Variants in ASIC2 observed in about 807,000 individuals in gnomAD.
ASIC2 encodes the protein acid-sensing ion channel 2.
Under a neutral mutation model 57.3 loss-of-function variants are expected in ASIC2, and 25 were observed. The observed-to-expected ratio is 0.44, with a 90% CI of 0.32 to 0.61. The LOEUF is 0.61. Among genes scored for constraint, ASIC2 ranks in the 20% least tolerant of loss-of-function variants. ASIC2 has a pLI of 0.06. For missense variants in ASIC2, 641 were observed against 738.1 expected, an observed-to-expected ratio of 0.87 and a Z score of 1.52; for synonymous variants, 319 against 307.5, an observed-to-expected ratio of 1.04 and a Z score of -0.39.
At chr17:33,568,635 A>G (rs745655686) in intron 1 of ASIC2, among the ~76,000 whole-genome samples, 1 of 152,180 alleles carries the variant, frequency 6.6e-6, no homozygotes, top group Non-Finnish European at 1.5e-5. Context: ...ATATGAGGCT[A>G]TAGGGATATA....
chr17:33,070,726 T>A (rs1313698230), intron 3 of ASIC2, among the ~76,000 whole-genome samples: 2 of 152,216 alleles, frequency 1.3e-5, no homozygotes, highest in African/African-American at 4.8e-5. Context: ...TTCCATCTGA[T>A]GTCAATTTCC....
chr17:33,026,981 A>C (rs2091861986), intron 4 of ASIC2, among the ~76,000 whole-genome samples: 1 of 152,152 alleles, frequency 6.6e-6, no homozygotes, highest in Admixed American at 6.5e-5. Context: ...AAAACATACA[A>C]ATTTATTATT....
At position 33,495,419 on chromosome 17, in the gene ASIC2, T is replaced by A. The variant is rs576765611; in HGVS notation, c.556-383352A>T. ...CCAACTCCCATCGTTATTCTCATCT[T>A]CTCGGAAACCAAGAAGGAGCATGAT... On this transcript the variant is annotated intron_variant, in intron 1 of 9. Transcript: ENST00000359872. Among the ~76,000 whole-genome samples, 6 of 152,280 alleles carry A rather than the reference T, an allele frequency of 3.9e-5. No individual in the cohort carries two copies. In the East Asian group the frequency reaches 9.7e-4, roughly 25 times the overall value.
intron 1 of ASIC2, among the ~76,000 whole-genome samples, chr17:33,897,236 C>G (rs967479746): frequency 1.3e-5 from 2 of 152,222 alleles, no homozygotes; most frequent in South Asian, 4.1e-4. Flanking sequence ...TCAGAGACCA[C>G]TTCCTTCTTC....
intron 1 of ASIC2, among the ~76,000 whole-genome samples, chr17:33,267,746 C>T (rs924779121): frequency 1.3e-5 from 2 of 152,116 alleles, no homozygotes; most frequent in Non-Finnish European, 2.9e-5. Flanking sequence ...AGTGATGGTG[C>T]TCCGGGGAGG....
At chr17:33,334,503 C>A (rs113332683) in intron 1 of ASIC2, among the ~76,000 whole-genome samples, 2,847 of 152,252 alleles carry the variant, frequency 0.019, 82 homozygotes, top group African/African-American at 0.065. Context: ...CAGCATGGAC[C>A]AACTGTCCTT....
intron 1 of ASIC2, among the ~76,000 whole-genome samples, chr17:33,746,622 A>G (rs929555167): frequency 4.6e-5 from 7 of 151,994 alleles, no homozygotes; most frequent in Non-Finnish European, 1.0e-4. Context: ...CAGCTGAACA[A>G]TAATGGTTAG....
At chr17:33,730,636 C>T (rs576638618) in intron 1 of ASIC2, among the ~76,000 whole-genome samples, 1 of 152,312 alleles carries the variant, frequency 6.6e-6, no homozygotes, top group African/African-American at 2.4e-5. Flanking sequence ...TAGTTCTCTC[C>T]TAAGTCTTGC....
intron 1 of ASIC2, among the ~76,000 whole-genome samples, chr17:33,665,440 C>T (rs1907440145): frequency 1.3e-5 from 2 of 152,002 alleles, no homozygotes; most frequent in African/African-American, 2.4e-5. Context: ...GTACCCATGT[C>T]GAGGGTTGGC....
chr17:33,483,218 A>G (rs1009008598), intron 1 of ASIC2, among the ~76,000 whole-genome samples: 1 of 152,180 alleles, frequency 6.6e-6, no homozygotes, highest in Non-Finnish European at 1.5e-5. Flanking sequence ...CGGCCCTGGC[A>G]TGTTGTGAAT....
intron 1 of ASIC2, among the ~76,000 whole-genome samples, chr17:33,325,740 C>T (rs1259074611): frequency 1.3e-5 from 2 of 151,960 alleles, no homozygotes; most frequent in Non-Finnish European, 2.9e-5. Flanking sequence ...TGGCTATAAT[C>T]CAAGCAAAGG....
intron 1 of ASIC2, among the ~76,000 whole-genome samples, chr17:34,145,144 T>C (rs1912383119): frequency 6.6e-6 from 1 of 152,192 alleles, no homozygotes. Flanking sequence ...GCCCCTTCAA[T>C]CCTTGGCTTC....
At chr17:34,115,113 C>T (rs1911389587) in intron 1 of ASIC2, among the ~76,000 whole-genome samples, 1 of 152,318 alleles carries the variant, frequency 6.6e-6, no homozygotes, top group Admixed American at 6.5e-5. Context: ...GCTCTCTTCT[C>T]ATCTAATTCT....
rs184948532 is a variant in ASIC2 at position 33,772,997 on chromosome 17, G to T, written c.555+382981C>A. 6.6e-5 allele frequency among the ~76,000 whole-genome samples: 10 copies of T among 152,302 alleles called. No homozygotes were observed. The East Asian group carries it at 1.5e-3, about 23-fold the overall frequency. On this transcript the variant is annotated intron_variant, in intron 1 of 9. Transcript: ENST00000359872. ...GCACACAGCAAGTGCTTAATAAGTG[G>T]AAACGACTGTTATTTGTGCCTACTG...
rs140128550 is a variant in ASIC2 at position 34,061,600 on chromosome 17, C to T, written c.555+94378G>A. Reference sequence around the variant, plus strand: ...GAACCACAGAATGGATAAGAACTCACCAATCAACTATCTGCTGCCTTTAGG... The same window carrying T: ...GAACCACAGAATGGATAAGAACTCATCAATCAACTATCTGCTGCCTTTAGG... On this transcript the variant is annotated intron_variant, in intron 1 of 9. Transcript: ENST00000359872. Among the ~76,000 whole-genome samples the T allele has an allele frequency of 3.0e-4, 45 of 152,212 alleles. No individual in the cohort carries two copies. The East Asian group carries it at 5.4e-3, about 18-fold the overall frequency.
chr17:33,469,982 G>C (rs986363677), intron 1 of ASIC2, among the ~76,000 whole-genome samples: 1 of 152,038 alleles, frequency 6.6e-6, no homozygotes. Flanking sequence ...CTAACATCTA[G>C]TTAGGGGGAC....
At chr17:33,285,033 A>G (rs1905090733) in intron 1 of ASIC2, among the ~76,000 whole-genome samples, 3 of 152,172 alleles carry the variant, frequency 2.0e-5, no homozygotes, top group Non-Finnish European at 4.4e-5. Context: ...TTGACATCCA[A>G]TTGAGTCAAT....
chr17:33,418,024 A>ATATGTGTGTG lies in ASIC2; in HGVS notation c.556-305958_556-305957insCACACACATA, dbSNP rs772080220. 1.0e-3 allele frequency among the ~76,000 whole-genome samples: 111 copies of ATATGTGTGTG among 110,360 alleles called. 1 individual carries two copies. The highest frequency in any genetic ancestry group is 6.1e-3 in the South Asian group (20 of 3,296). 72.4% of individuals were successfully genotyped at this position (110,360 alleles called of 152,430 possible). A position where few individuals can be genotyped will look rare whatever the true frequency, so the allele number is the denominator to read the frequency against. ...GGCCCCACTCTGGCTCTCAGCATGT[A>ATATGTGTGTG]TGTATGTGTGTGTGTGTGTGTGTGT... On this transcript the variant is annotated intron_variant, in intron 1 of 9. Transcript: ENST00000359872.
chr17:33,464,482 C>CTCTTTCCT (rs1912755450), intron 1 of ASIC2, among the ~76,000 whole-genome samples: 6 of 63,636 alleles, frequency 9.4e-5, no homozygotes, highest in Admixed American at 8.0e-4. Flanking sequence ...TTTCTTTTCT[C>CTCTTTCCT]TCTTTCTTTC....
Sources: gnomAD v4.1 joint callset for allele counts (sites outside exome capture counted in the v4.1 genomes callset) on GRCh38, gnomAD v4.1.1 for gene constraint, MANE v1.5 for transcripts, NCBI Gene and HGNC (gene_info 2026-07-23, HGNC 2026-07-21) for gene names.